Variants in D2HGDH observed in about 807,000 individuals in gnomAD.
D2HGDH encodes the protein D-2-hydroxyglutarate dehydrogenase, mitochondrial.
A neutral mutation model predicts 46.9 loss-of-function variants in D2HGDH; 31 were observed. The ratio of observed to expected loss-of-function variants is 0.66; its 90% CI spans 0.50 to 0.89. D2HGDH has a LOEUF of 0.89. D2HGDH is among the 40% of genes least tolerant of loss of function. D2HGDH has a pLI of 0.00. For synonymous variants in D2HGDH, 364 were observed against 332.6 expected (o/e 1.09, Z -1.03); for missense variants, 698 against 720.8 (o/e 0.97, Z 0.36).
chr2:241,747,376 C>A (rs1044009366), intron 6 of D2HGDH, among the ~76,000 whole-genome samples: 2 of 141,640 alleles, frequency 1.4e-5, no homozygotes, highest in African/African-American at 5.7e-5. Flanking sequence ...AGACGAGGTA[C>A]CTTCCTCCAG....
chr2:241,737,539 G>A (rs1693260137), intron 2 of D2HGDH, among the ~76,000 whole-genome samples: 1 of 152,012 alleles, frequency 6.6e-6, no homozygotes, highest in Admixed American at 6.6e-5. Context: ...ACTCAGGGTG[G>A]AGTGCAGTGG....
intron 8 of D2HGDH, chr2:241,754,598 A>G (rs1276801838): frequency 3.3e-5 from 5 of 153,388 alleles, no homozygotes; most frequent in Non-Finnish European, 5.8e-5. Context: ...TCAATAAAAC[A>G]GAGTCTTTTT....
chr2:241,752,364 T>C (rs938133273), intron 8 of D2HGDH, among the ~76,000 whole-genome samples: 1 of 152,102 alleles, frequency 6.6e-6, no homozygotes, highest in African/African-American at 2.4e-5. Context: ...GACTGAGGCA[T>C]GATCAAGTGT....
chr2:241,735,666 T>C, intron 2 of D2HGDH, 150 bp downstream of exon 2: 2 of 1,068,166 alleles, frequency 1.9e-6, no homozygotes, highest in Non-Finnish European at 2.7e-6. Context: ...CACAGGCTGC[T>C]GGAATGAATG....
At chr2:241,744,998 C>T (rs550814457) in intron 6 of D2HGDH, 121 bp downstream of exon 6, 20 of 1,336,216 alleles carry the variant, frequency 1.5e-5, no homozygotes, top group East Asian at 1.4e-4. Flanking sequence ...AGTCGGTTCC[C>T]GTGTCTCCTG....
chr2:241,738,783 G>A (rs1266404197), intron 2 of D2HGDH, among the ~76,000 whole-genome samples: 1 of 152,242 alleles, frequency 6.6e-6, no homozygotes, highest in East Asian at 1.9e-4. Context: ...GCTGCCCCGA[G>A]TTTGGTGAGG....
intron 2 of D2HGDH, among the ~76,000 whole-genome samples, chr2:241,740,111 C>T (rs762942129): frequency 2.0e-5 from 3 of 152,190 alleles, no homozygotes; most frequent in Admixed American, 6.5e-5. Flanking sequence ...TGTCACTGTA[C>T]TCCAGACTGG....
Position 241,767,775 on chromosome 2 carries a change from G to C in D2HGDH, c.1372G>C (p.Glu458Gln). Residue 458 changes from glutamate (E) to glutamine (Q), a missense_variant, in exon 10 of 10, where the codon GAG (glutamate) becomes CAG (glutamine). Coordinates refer to ENST00000321264, the MANE Select transcript of D2HGDH (RefSeq NM_152783.5). ...CAGCCCCTCGCTCCTGGCTGCCCTG[G>C]AGCCCCACGTGTACGAGTGGACGGC... is the stretch of plus-strand genomic sequence containing the variant. The part of the protein sequence containing the change: ...AFSPSLLAAL[E>Q]PHVYEWTAGQ... 2 of 1,612,558 alleles carry C rather than the reference G, an allele frequency of 1.2e-6. No individual in the cohort carries two copies. Among genetic ancestry groups the C allele is most frequent in the Non-Finnish European group, 1.7e-6 (2 of 1,179,600 alleles).
At position 241,755,761 on chromosome 2, in the gene D2HGDH, C is replaced by T. The variant is rs554362901; in HGVS notation, c.1141-88C>T. 10 of 1,611,516 alleles carry T rather than the reference C, an allele frequency of 6.2e-6. No individual in the cohort carries two copies. In the South Asian group the frequency reaches 9.9e-5, roughly 16 times the overall value. ...TCACCTGGTGAAGATACAGAACATG[C>T]TGCTGCCCTAACCCCGTGTGGTGTG... On this transcript the variant is annotated intron_variant, in intron 8 of 9. Coordinates refer to ENST00000321264, the MANE Select transcript of D2HGDH (RefSeq NM_152783.5).
chr2:241,760,159 AG>A (rs1405279310), intron 9 of D2HGDH, among the ~76,000 whole-genome samples: 1 of 95,336 alleles, frequency 1.0e-5, no homozygotes, highest in Non-Finnish European at 2.0e-5. Flanking sequence ...AATCAGTCGA[AG>A]GCCTTTGCTA....
chr2:241,755,743 G>GTCTGGGACATTCGC (rs756012605), intron 8 of D2HGDH, 106 bp from the exon 9 acceptor site: 1 of 1,609,566 alleles, frequency 6.2e-7, no homozygotes, highest in African/African-American at 1.3e-5. Flanking sequence ...GCCTCACCTG[G>GTCTGGGACATTCGC]TGAAGATACA....
chr2:241,765,099 G>C (rs1033011241), intron 9 of D2HGDH, among the ~76,000 whole-genome samples: 1 of 152,212 alleles, frequency 6.6e-6, no homozygotes, highest in African/African-American at 2.4e-5. Flanking sequence ...ACACCCATGG[G>C]GGTGGGGGCG....
rs868860824 is a variant in D2HGDH at position 241,735,254 on chromosome 2, C to A, written c.30C>A (p.Pro10=). Residue 10 remains proline, a synonymous_variant, in exon 2 of 10, where the codon CCC becomes CCA. Transcript: ENST00000321264. ...TGCCCCGTCGGCCTCTGGCGTGGCCCGCGTGGCTGTTGCGGGGTGCTCCGG... is the reference window on the plus strand; with the variant it reads ...TGCCCCGTCGGCCTCTGGCGTGGCCAGCGTGGCTGTTGCGGGGTGCTCCGG... The part of the protein sequence containing the change: MLPRRPLAW[P]AWLLRGAPGA... The A allele has an allele frequency of 1.3e-6, 2 of 1,517,548 alleles. No individual in the cohort carries two copies. Among genetic ancestry groups the A allele is most frequent in the African/African-American group, 2.8e-5 (2 of 70,266 alleles). The allele number at this position is 1,517,548 out of a possible 1,614,324, so 94.0% of individuals were successfully genotyped here. A position where few individuals can be genotyped will look rare whatever the true frequency, so the allele number is the denominator to read the frequency against.
At chr2:241,737,716 C>T (rs772676649) in intron 2 of D2HGDH, among the ~76,000 whole-genome samples, 18 of 152,306 alleles carry the variant, frequency 1.2e-4, no homozygotes, top group Non-Finnish European at 2.1e-4. Context: ...CATGGTGAAA[C>T]TCTATCTCTA....
intron 2 of D2HGDH, among the ~76,000 whole-genome samples, chr2:241,736,428 C>T (rs1692837571): frequency 1.4e-5 from 2 of 140,918 alleles, no homozygotes; most frequent in Non-Finnish European, 3.2e-5. Context: ...CACAGGGCTG[C>T]GCTCCCTCCA....
chr2:241,751,664 G>A (rs1336608494), intron 8 of D2HGDH, among the ~76,000 whole-genome samples: 1 of 152,242 alleles, frequency 6.6e-6, no homozygotes, highest in East Asian at 1.9e-4. Context: ...CCCCATTGCT[G>A]GTCCCCTGCA....
rs1698884627 is a variant in D2HGDH, at chr2:241,762,113, C to A, written c.1307-5597C>A. Among the ~76,000 whole-genome samples the A allele has an allele frequency of 2.0e-5, 3 of 147,612 alleles. No homozygotes were observed. The Admixed American group carries it at 2.0e-4, about 10-fold the overall frequency. On this transcript the variant is annotated intron_variant, in intron 9 of 9. Transcript: ENST00000321264. ...TTGAGATGGAGTCCCGCTCTGTCAC[C>A]CAGGCTGGAGTGCAGTGGTGCGATC...
intron 9 of D2HGDH, among the ~76,000 whole-genome samples, chr2:241,764,229 G>GC (rs1359826833): frequency 6.6e-6 from 1 of 152,128 alleles, no homozygotes; most frequent in African/African-American, 2.4e-5. Flanking sequence ...AGGGGTCCCT[G>GC]CTGTACTCCC....
chr2:241,744,639 G>C, intron 5 of D2HGDH, 70 bp from the exon 6 acceptor site: 2 of 1,590,214 alleles, frequency 1.3e-6, no homozygotes, highest in Non-Finnish European at 1.7e-6. Flanking sequence ...AGTGACACCT[G>C]GCCCCGGAGG....
Sources: allele counts gnomAD v4.1 joint callset (sites outside exome capture counted in the v4.1 genomes callset), GRCh38; gene constraint gnomAD v4.1.1; transcripts MANE v1.5; gene names NCBI Gene and HGNC (gene_info 2026-07-23, HGNC 2026-07-21).